Variants in FAN1 observed in about 807,000 individuals in gnomAD.
FAN1 encodes FANCD2 and FANCI associated nuclease 1.
In FAN1, 91 loss-of-function variants were observed where a neutral mutation model predicts 104.9. The observed-to-expected ratio is 0.87, with a 90% CI of 0.73 to 1.03. The LOEUF (loss-of-function observed/expected upper bound fraction) is 1.03. Ranked by LOEUF, FAN1 falls within the 50% of genes least tolerant of loss-of-function variation. FAN1 has a pLI of 0.00. For missense variants in FAN1, 1,263 were observed against 1,239.9 expected, an observed-to-expected ratio of 1.02 and a Z score of -0.28; for synonymous variants, 478 against 457.6, an observed-to-expected ratio of 1.04 and a Z score of -0.57.
intron 2 of FAN1, among the ~76,000 whole-genome samples, chr15:30,906,159 T>C (rs376984070): frequency 4.7e-4 from 72 of 152,344 alleles, no homozygotes; most frequent in African/African-American, 1.7e-3. Context: ...TTTTCTTTTA[T>C]AGGTACATTT....
intron 6 of FAN1, among the ~76,000 whole-genome samples, chr15:30,919,835 G>C (rs1332795308): frequency 6.6e-6 from 1 of 151,974 alleles, no homozygotes; most frequent in Non-Finnish European, 1.5e-5. Context: ...GGAGGGCTTG[G>C]TCTTGCTGTC....
intron 14 of FAN1, chr15:30,938,946 T>C (rs1351704337): frequency 1.0e-6 from 1 of 985,292 alleles, no homozygotes; most frequent in Non-Finnish European, 1.2e-6. Flanking sequence ...CAACAAACAG[T>C]CGCTGTGGAA....
Position 30,929,126 on chromosome 15 carries a change from G to GT in FAN1, c.2593-76dup. 6 of 1,292,886 alleles carry GT rather than the reference G, an allele frequency of 4.6e-6. No individual in the cohort carries two copies. The South Asian group carries it at 6.8e-5, about 15-fold the overall frequency. The allele number at this position is 1,292,886 out of a possible 1,614,324, so 80.1% of individuals were successfully genotyped here. ...ATCGGTTGGCCGGTTTCCAAGTTTTGTATGTACTGACTAGTCCTCTGGTGA... is the reference window on the plus strand; with the variant it reads ...ATCGGTTGGCCGGTTTCCAAGTTTTGTTATGTACTGACTAGTCCTCTGGTGA... On this transcript the variant is annotated intron_variant, in intron 11 of 14. Transcript: ENST00000362065.
At chr15:30,918,376 A>G in intron 6 of FAN1, 81 bp downstream of exon 6, 2 of 1,398,112 alleles carry the variant, frequency 1.4e-6, no homozygotes, top group Non-Finnish European at 1.0e-6. Flanking sequence ...TTCTTCATGA[A>G]GAATATACTC....
chr15:30,923,007 C>A (rs1456384346), intron 8 of FAN1, among the ~76,000 whole-genome samples: 2 of 152,242 alleles, frequency 1.3e-5, no homozygotes, highest in East Asian at 3.8e-4. Context: ...GTGTGGCCGC[C>A]AGCAGGCCCC....
intron 14 of FAN1, chr15:30,939,252 C>T: frequency 6.1e-6 from 6 of 985,448 alleles, no homozygotes; most frequent in Non-Finnish European, 7.2e-6. Flanking sequence ...AACAGCAAGA[C>T]ACTGTACACC....
chr15:30,940,465 G>T (rs1327469792), intron 14 of FAN1: 12 of 985,290 alleles, frequency 1.2e-5, no homozygotes, highest in African/African-American at 1.7e-5. Flanking sequence ...GGACATCTGT[G>T]CAGGTGCCCA....
intron 10 of FAN1, 74 bp downstream of exon 10, chr15:30,926,013 A>G: frequency 6.8e-7 from 1 of 1,475,778 alleles, no homozygotes; most frequent in Admixed American, 1.7e-5. Flanking sequence ...GGCTGTCAGC[A>G]GTGGGCTGCT....
chr15:30,912,334 AAGAAAC>A lies in FAN1; in HGVS notation c.1578-1515_1578-1510del, dbSNP rs926609376. Among the ~76,000 whole-genome samples the A allele has an allele frequency of 8.5e-4, 129 of 152,332 alleles. 1 individual carries two copies. The highest frequency in any genetic ancestry group is 2.9e-3 in the African/African-American group (122 of 41,570). On this transcript the variant is annotated intron_variant, in intron 4 of 14. Transcript: ENST00000362065. ...GTGCTTTTACTCTGCTGTTATGATA[AAGAAAC>A]AGAAACAGCCACATTATTACAGAAA...
At chr15:30,916,373 T>C (rs1336473840) in intron 5 of FAN1, among the ~76,000 whole-genome samples, 1 of 152,186 alleles carries the variant, frequency 6.6e-6, no homozygotes, top group African/African-American at 2.4e-5. Context: ...GCCTGGGCTA[T>C]GGGGAATGCC....
rs2955795 is a variant in FAN1, at chr15:30,937,217, T to C, written c.3015T>C (p.His1005=). The stretch of plus-strand genomic sequence containing the variant: ...TGGGGGCTGAAGTAGAAGTCTGCCA[T>C]GTGGTTGCAGTTGGAGCTAAGAGCC... ...QKLGAEVEVC[H]VVAVGAKSQS... The change falls in exon 14 of 15, where the codon CAT becomes CAC. Residue 1005 remains histidine, a synonymous_variant. Transcript: ENST00000362065. The C allele has an allele frequency of 0.45, 730,669 of 1,613,064 alleles. 174,047 individuals carry two copies. The highest frequency in any genetic ancestry group is 0.86 in the East Asian group (38,479 of 44,870).
At chr15:30,909,696 C>G (rs1480075924) in intron 3 of FAN1, among the ~76,000 whole-genome samples, 1 of 152,250 alleles carries the variant, frequency 6.6e-6, no homozygotes, top group Non-Finnish European at 1.5e-5. Context: ...CCACCCAGCC[C>G]TCAGTGTTCT....
At position 30,942,234 on chromosome 15, in the gene FAN1, C is replaced by A. The variant is rs1005431609; in HGVS notation, c.*672C>A. The stretch of plus-strand genomic sequence containing the variant: ...TGTGTCCTTATTCTAATCCTCCTCC[C>A]CTGGAATTACACTTTTTTATGTGTT... On this transcript the variant is annotated 3_prime_UTR_variant, in exon 15 of 15. Coordinates refer to ENST00000362065, the MANE Select transcript of FAN1 (RefSeq NM_014967.5). 2.3e-6 allele frequency: 2 copies of A among 887,018 alleles called. No individual in the cohort carries two copies. Among genetic ancestry groups the A allele is most frequent in the Admixed American group, 5.3e-5 (2 of 37,960 alleles). The allele number at this position is 887,018 out of a possible 1,614,324, so 54.9% of individuals were successfully genotyped here.
intron 7 of FAN1, among the ~76,000 whole-genome samples, chr15:30,921,496 A>G (rs2062329644): frequency 6.6e-6 from 1 of 152,168 alleles, no homozygotes; most frequent in Non-Finnish European, 1.5e-5. Flanking sequence ...TTATCTCCAG[A>G]CCAGGCATGG....
rs557866501 is a variant in FAN1 at position 30,930,610 on chromosome 15, G to A, written c.2855G>A (p.Arg952Gln). The change falls in exon 13 of 15, where the codon CGA becomes CAA. Residue 952 changes from arginine to glutamine, a missense_variant. Coordinates refer to ENST00000362065, the MANE Select transcript of FAN1 (RefSeq NM_014967.5). Reference sequence around the variant, plus strand: ...TGCAGGCACCTGGCTGCTGACTTTCGACACTGTCGAGGGGGCCTCCCCGAC... The same window carrying A: ...TGCAGGCACCTGGCTGCTGACTTTCAACACTGTCGAGGGGGCCTCCCCGAC... ...GVCRHLAADF[R>Q]HCRGGLPDLV... 1.7e-5 allele frequency: 28 copies of A among 1,612,724 alleles called. 1 individual carries two copies. The highest frequency in any genetic ancestry group is 9.9e-5 in the South Asian group (9 of 90,778).
intron 10 of FAN1, chr15:30,928,103 C>T (rs552229696): frequency 7.0e-6 from 7 of 1,000,602 alleles, no homozygotes; most frequent in African/African-American, 5.2e-5. Flanking sequence ...TGCCGGCCTC[C>T]GGGAGGTCCC....
At chr15:30,939,581 C>T (rs2062969201) in intron 14 of FAN1, 1 of 950,774 alleles carries the variant, frequency 1.1e-6, no homozygotes. Flanking sequence ...ATGCATTTTT[C>T]TATTTTTAAC....
intron 4 of FAN1, among the ~76,000 whole-genome samples, chr15:30,913,365 A>C (rs2062137945): frequency 6.6e-6 from 1 of 152,184 alleles, no homozygotes; most frequent in East Asian, 1.9e-4. Flanking sequence ...TTGGTGCCAA[A>C]AGCGTTGACT....
Position 30,906,718 on chromosome 15 carries a change from G to C in FAN1, c.1234+821G>C, listed in dbSNP as rs571629886. 5.9e-5 allele frequency among the ~76,000 whole-genome samples: 9 copies of C among 152,288 alleles called. No homozygotes were observed. The South Asian group carries it at 1.9e-3, about 32-fold the overall frequency. Reference sequence around the variant, plus strand: ...AGGGAAGGATTTCTATTTTAAATTCGCACAGTGAAATTATGGTATTCCTTG... The same window carrying C: ...AGGGAAGGATTTCTATTTTAAATTCCCACAGTGAAATTATGGTATTCCTTG... On this transcript the variant is annotated intron_variant, in intron 2 of 14. Coordinates refer to ENST00000362065, the MANE Select transcript of FAN1 (RefSeq NM_014967.5).
Sources: allele counts gnomAD v4.1 joint callset (sites outside exome capture counted in the v4.1 genomes callset), GRCh38; gene constraint gnomAD v4.1.1; transcripts MANE v1.5; gene names NCBI Gene and HGNC (gene_info 2026-07-23, HGNC 2026-07-21).